The following POLR3B variants were observed in gnomAD, a reference collection of about 807,000 sequenced individuals.
POLR3B encodes the protein RNA polymerase III subunit B, also known as DNA-directed RNA polymerase III subunit RPC2.
In POLR3B, 96 loss-of-function variants were observed where a neutral mutation model predicts 147.4. The observed-to-expected ratio is 0.65, with a 90% CI of 0.55 to 0.77. The LOEUF is 0.77. Ranked by LOEUF, POLR3B falls within the 30% of genes least tolerant of loss-of-function variation. The pLI, the probability that POLR3B is intolerant of heterozygous loss-of-function variation, is 0.00. For synonymous variants in POLR3B, 461 were observed against 485.9 expected, an observed-to-expected ratio of 0.95 and a Z score of 0.67; for missense variants, 1,036 against 1,413.5, an observed-to-expected ratio of 0.73 and a Z score of 4.28.
At chr12:106,427,427 T>G (rs2037454556) in intron 13 of POLR3B, 69 bp downstream of exon 13, 1 of 1,359,676 alleles carries the variant, frequency 7.4e-7, no homozygotes, top group Non-Finnish European at 1.1e-6. Context: ...AACAGAAACT[T>G]AAAGCACTTT....
At chr12:106,393,337 A>C (rs532574220) in intron 10 of POLR3B, among the ~76,000 whole-genome samples, 184 bp downstream of exon 10, 5 of 152,250 alleles carry the variant, frequency 3.3e-5, no homozygotes, top group South Asian at 2.1e-4. Flanking sequence ...GAGTTTGCCC[A>C]GACAAATTAG....
At chr12:106,415,134 T>A (rs2037283918) in intron 12 of POLR3B, among the ~76,000 whole-genome samples, 1 of 152,194 alleles carries the variant, frequency 6.6e-6, no homozygotes, top group African/African-American at 2.4e-5. Flanking sequence ...TCAACTTCAG[T>A]GTAACCTCCT....
intron 1 of POLR3B, among the ~76,000 whole-genome samples, chr12:106,361,271 G>A (rs796093010): frequency 3.9e-5 from 6 of 152,334 alleles, no homozygotes; most frequent in African/African-American, 1.4e-4. Context: ...TAAATGCGAG[G>A]AAGGTTAAAA....
chr12:106,478,353 C>T (rs2038212421), intron 23 of POLR3B, among the ~76,000 whole-genome samples: 1 of 152,152 alleles, frequency 6.6e-6, no homozygotes, highest in Non-Finnish European at 1.5e-5. Flanking sequence ...CATTAACAGG[C>T]ATGGTTTCTA....
At chr12:106,397,933 G>A (rs566680428) in intron 10 of POLR3B, among the ~76,000 whole-genome samples, 5 of 152,364 alleles carry the variant, frequency 3.3e-5, no homozygotes, top group Non-Finnish European at 5.9e-5. Context: ...GCACTAAGAC[G>A]GGTGATTTCT....
chr12:106,418,714 T>C (rs1432059656), intron 12 of POLR3B, among the ~76,000 whole-genome samples: 1 of 152,230 alleles, frequency 6.6e-6, no homozygotes. Context: ...AGGTATTGAA[T>C]ATTATCACCA....
chr12:106,398,380 T>G (rs1176125161), intron 10 of POLR3B, among the ~76,000 whole-genome samples: 1 of 152,184 alleles, frequency 6.6e-6, no homozygotes, highest in African/African-American at 2.4e-5. Flanking sequence ...GAGGCCTGCC[T>G]GCCTCTGTAG....
At chr12:106,394,932 C>T (rs551921046) in intron 10 of POLR3B, among the ~76,000 whole-genome samples, 3 of 152,170 alleles carry the variant, frequency 2.0e-5, no homozygotes, top group Non-Finnish European at 4.4e-5. Flanking sequence ...CATATATTAA[C>T]AGTTACGAAA....
intron 9 of POLR3B, among the ~76,000 whole-genome samples, chr12:106,391,382 C>T (rs2036912152): frequency 6.6e-6 from 1 of 152,138 alleles, no homozygotes; most frequent in Admixed American, 6.5e-5. Flanking sequence ...AGAGGTGAGG[C>T]ATTGAGCTTA....
chr12:106,484,251 C>G (rs10444532), intron 23 of POLR3B, among the ~76,000 whole-genome samples: 1 of 151,928 alleles, frequency 6.6e-6, no homozygotes, highest in Non-Finnish European at 1.5e-5. Context: ...GGTTTTAATC[C>G]GGTAAACGAT....
intron 27 of POLR3B, 31 bp from the exon 28 acceptor site, chr12:106,509,385 GCTGT>G (rs766458805): frequency 2.5e-5 from 40 of 1,611,868 alleles, no homozygotes; most frequent in South Asian, 5.5e-5. Flanking sequence ...TTTCCGAGTT[GCTGT>G]CTGTCTAACG....
chr12:106,432,441 G>C lies in POLR3B; in HGVS notation c.1588G>C (p.Glu530Gln). 1 of 1,613,440 alleles carries C rather than the reference G, an allele frequency of 6.2e-7. No individual in the cohort carries two copies. The highest frequency in any genetic ancestry group is 1.1e-5 in the South Asian group (1 of 91,074). The change falls in exon 15 of 28, where the codon GAG (glutamate) becomes CAG (glutamine). Residue 530 changes from glutamate to glutamine, a missense_variant. Around this residue, in one of 12 missense-constraint regions of POLR3B, gnomAD observed 177 missense variants for 232.7 expected, o/e 0.76. Coordinates refer to ENST00000228347, the MANE Select transcript of POLR3B (RefSeq NM_018082.6). ...AGATGTGAATTTATTATGTGGGGAA[G>C]AGCTCTCTTACCCAAATGTGTTTCT... is the stretch of plus-strand genomic sequence containing the variant. ...VEDVNLLCGE[E>Q]LSYPNVFLVF...
At chr12:106,461,089 C>T (rs1156612409) in intron 22 of POLR3B, among the ~76,000 whole-genome samples, 3 of 151,944 alleles carry the variant, frequency 2.0e-5, no homozygotes, top group Non-Finnish European at 4.4e-5. Flanking sequence ...TTGTTTCATT[C>T]AAGAAATACT....
intron 23 of POLR3B, among the ~76,000 whole-genome samples, chr12:106,491,620 G>A (rs1263375667): frequency 6.6e-6 from 1 of 152,216 alleles, no homozygotes; most frequent in East Asian, 1.9e-4. Context: ...TTTAGACTTT[G>A]ATTAGGATTA....
chr12:106,405,225 T>C (rs1268623208), intron 10 of POLR3B, among the ~76,000 whole-genome samples: 2 of 152,162 alleles, frequency 1.3e-5, no homozygotes, highest in Admixed American at 1.3e-4. Flanking sequence ...ATGTAAATTT[T>C]AGAATCTAGA....
chr12:106,468,889 A>G (rs1201468195), intron 23 of POLR3B, among the ~76,000 whole-genome samples: 2 of 152,128 alleles, frequency 1.3e-5, no homozygotes, highest in East Asian at 1.9e-4. Flanking sequence ...AATAAGTGCG[A>G]TGTGGTGCTG....
At chr12:106,485,320 C>T (rs1024541055) in intron 23 of POLR3B, among the ~76,000 whole-genome samples, 1 of 152,108 alleles carries the variant, frequency 6.6e-6, no homozygotes, top group African/African-American at 2.4e-5. Context: ...CTCTTAAAGG[C>T]CCCATATCAA....
At chr12:106,494,370 C>A (rs1341970859) in intron 23 of POLR3B, among the ~76,000 whole-genome samples, 1 of 152,156 alleles carries the variant, frequency 6.6e-6, no homozygotes, top group African/African-American at 2.4e-5. Context: ...CCAGCCTCCT[C>A]CTGCGAACTG....
At chr12:106,401,570 AC>A (rs1565885184) in intron 10 of POLR3B, among the ~76,000 whole-genome samples, 1 of 152,240 alleles carries the variant, frequency 6.6e-6, no homozygotes, top group Non-Finnish European at 1.5e-5. Context: ...TCATTAAAAT[AC>A]TGGCAAACCG....
Sources: gnomAD v4.1 joint callset for allele counts (sites outside exome capture counted in the v4.1 genomes callset) on GRCh38, gnomAD v4.1.1 for gene constraint, gnomAD v4.1.1 regional missense constraint, MANE v1.5 for transcripts, NCBI Gene and HGNC (gene_info 2026-07-23, HGNC 2026-07-21) for gene names.